The following SIMC1 variants were observed in gnomAD, a reference collection of about 807,000 sequenced individuals.
SIMC1 encodes the protein SUMO-interacting motif-containing protein 1.
Under a neutral mutation model 82.3 loss-of-function variants are expected in SIMC1, and 55 were observed. That is an observed-to-expected ratio of 0.67 (90% CI 0.54 to 0.84). The LOEUF is 0.84. Ranked by LOEUF, SIMC1 falls within the 40% of genes least tolerant of loss-of-function variation. The probability of loss-of-function intolerance (pLI) is 0.00; values close to 1 mark genes in which losing one functional copy is unlikely to be tolerated. For synonymous variants in SIMC1, 353 were observed against 426.3 expected (o/e 0.83, Z 2.12); for missense variants, 915 against 1,107.2 (o/e 0.83, Z 2.46).
At position 176,290,363 on chromosome 5, in the gene SIMC1, A is replaced by G; in HGVS notation, c.839A>G (p.Gln280Arg). ...CGGCAGAATATCCCAGGCCCACCTCAAGACTCTCTGGGCCTACCTCAAGAT... is the reference window on the plus strand; with the variant it reads ...CGGCAGAATATCCCAGGCCCACCTCGAGACTCTCTGGGCCTACCTCAAGAT... ...CPRQNIPGPP[Q>R]DSLGLPQDVP... The change falls in exon 2 of 10, where the codon CAA becomes CGA. Residue 280 changes from glutamine (Q) to arginine (R), a missense_variant. Around this residue, in one of 2 missense-constraint regions of SIMC1, gnomAD observed 902 missense variants for 1,040.3 expected, o/e 0.87. Transcript: ENST00000429602. 4.3e-6 allele frequency: 7 copies of G among 1,613,934 alleles called. No individual in the cohort carries two copies. Among genetic ancestry groups the G allele is most frequent in the Non-Finnish European group, 5.9e-6 (7 of 1,179,862 alleles).
chr5:176,299,211 T>C (rs1281684404), intron 4 of SIMC1, among the ~76,000 whole-genome samples: 1 of 152,142 alleles, frequency 6.6e-6, no homozygotes. Context: ...CTAGACAACA[T>C]AGAAAGACTC....
intron 1 of SIMC1, among the ~76,000 whole-genome samples, chr5:176,250,921 C>T (rs1302128055): frequency 6.6e-6 from 1 of 152,140 alleles, no homozygotes. Flanking sequence ...TCCAATTTGC[C>T]AGTCTGAGTC....
chr5:176,246,407 GGT>G (rs57262987), intron 1 of SIMC1, among the ~76,000 whole-genome samples: 12,440 of 136,682 alleles, frequency 0.091, 461 homozygotes, highest in African/African-American at 0.1. Context: ...ATAGTTCAGG[GGT>G]GTGTGTGTGT....
chr5:176,324,872 AT>A, intron 7 of SIMC1, 115 bp downstream of exon 7: 1 of 1,229,132 alleles, frequency 8.1e-7, no homozygotes, highest in Non-Finnish European at 1.1e-6. Flanking sequence ...CAGGAACAGA[AT>A]TTTACAAGAG....
intron 4 of SIMC1, among the ~76,000 whole-genome samples, chr5:176,311,865 C>T (rs1227098610): frequency 2.0e-5 from 3 of 151,986 alleles, no homozygotes; most frequent in Non-Finnish European, 2.9e-5. Flanking sequence ...TTAGCCTTGA[C>T]GATGTAAAAC....
chr5:176,259,894 G>T (rs1561675293), intron 1 of SIMC1, among the ~76,000 whole-genome samples: 1 of 151,654 alleles, frequency 6.6e-6, no homozygotes, highest in Non-Finnish European at 1.5e-5. Context: ...AATTTTCCTT[G>T]TGTGTGCACA....
intron 1 of SIMC1, among the ~76,000 whole-genome samples, chr5:176,247,315 T>C (rs1456698916): frequency 6.6e-6 from 1 of 152,186 alleles, no homozygotes; most frequent in Non-Finnish European, 1.5e-5. Flanking sequence ...TGGTGTGAGA[T>C]AGTGTATCAT....
At chr5:176,309,037 A>G in intron 4 of SIMC1, 9 of 771,370 alleles carry the variant, frequency 1.2e-5, no homozygotes, top group Non-Finnish European at 7.1e-6. Context: ...ATGGAGAAAG[A>G]TGAAAATATC....
chr5:176,306,305 C>T (rs1409549703), intron 4 of SIMC1, among the ~76,000 whole-genome samples: 8 of 136,062 alleles, frequency 5.9e-5, no homozygotes, highest in Non-Finnish European at 8.2e-5. Context: ...GTCAGCCCCC[C>T]GTCCGGCCAG....
chr5:176,246,407 GGTGTGTGTGTGTGTGTGTGTGTGT>G lies in SIMC1; in HGVS notation c.129+7789_129+7812del, dbSNP rs57262987. Among the ~76,000 whole-genome samples the G allele has an allele frequency of 8.6e-3, 1,180 of 137,056 alleles. 3 individuals are homozygous for G. The highest frequency in any genetic ancestry group is 0.014 in the Non-Finnish European group (874 of 63,130). 89.9% of individuals were successfully genotyped at this position (137,056 alleles called of 152,430 possible). A position where few individuals can be genotyped will look rare whatever the true frequency, so the allele number is the denominator to read the frequency against. ...CAATCAGCTTGTATAATAGTTCAGG[GGTGTGTGTGTGTGTGTGTGTGTGT>G]GTGTGTGTGTGTGTGTGTTGTTTGT... On this transcript the variant is annotated intron_variant, in intron 1 of 9. Coordinates refer to ENST00000429602, the MANE Select transcript of SIMC1 (RefSeq NM_001308195.2).
At chr5:176,277,341 GA>G (rs1762755445) in intron 1 of SIMC1, among the ~76,000 whole-genome samples, 2 of 151,844 alleles carry the variant, frequency 1.3e-5, no homozygotes, top group South Asian at 4.1e-4. Flanking sequence ...GTAGATTCTG[GA>G]TATTAGCCCT....
In SIMC1 at chr5:176,295,202, G is replaced by A; in HGVS notation, c.1604G>A (p.Ser535Asn). The A allele has an allele frequency of 1.2e-6, 2 of 1,613,516 alleles. No homozygotes were observed. Among genetic ancestry groups the A allele is most frequent in the Non-Finnish European group, 1.7e-6 (2 of 1,179,676 alleles). ...CACATCATCCAGAAAATCTTGCTCA[G>A]TGGCTCTGAGACTGTGGATGTCCTA... ...VAHIIQKILL[S>N]GSETVDVLKE... The change falls in exon 3 of 10, where the codon AGT becomes AAT. Residue 535 changes from serine (S) to asparagine (N), a missense_variant. Around this residue, in one of 2 missense-constraint regions of SIMC1, gnomAD observed 902 missense variants for 1,040.3 expected, o/e 0.87. Transcript: ENST00000429602.
chr5:176,314,316 C>G (rs1158844940), intron 5 of SIMC1, among the ~76,000 whole-genome samples: 2 of 151,934 alleles, frequency 1.3e-5, no homozygotes, highest in Non-Finnish European at 2.9e-5. Flanking sequence ...AATCATAAAC[C>G]CCTCCTGATA....
At position 176,238,478 on chromosome 5, in the gene SIMC1, C is replaced by G. The variant is rs1220503073; in HGVS notation, c.-31C>G. On this transcript the variant is annotated 5_prime_UTR_variant, in exon 1 of 10. Coordinates refer to ENST00000429602, the MANE Select transcript of SIMC1 (RefSeq NM_001308195.2). Reference sequence around the variant, plus strand: ...ACCGAAGTCGTCGCCGCCGCCGCCACTGCCTGGGTCTTCGGTCGGGGCCCG... The same window carrying G: ...ACCGAAGTCGTCGCCGCCGCCGCCAGTGCCTGGGTCTTCGGTCGGGGCCCG... The G allele has an allele frequency of 8.4e-7, 1 of 1,190,124 alleles. No homozygotes were observed. Among genetic ancestry groups the G allele is most frequent in the Non-Finnish European group, 1.1e-6 (1 of 952,300 alleles). The allele number at this position is 1,190,124 out of a possible 1,614,324, so 73.7% of individuals were successfully genotyped here.
At chr5:176,287,388 C>T (rs1180424764) in intron 1 of SIMC1, among the ~76,000 whole-genome samples, 3 of 152,128 alleles carry the variant, frequency 2.0e-5, no homozygotes, top group Non-Finnish European at 4.4e-5. Context: ...GACAGAAAAC[C>T]AAACACTGCA....
intron 5 of SIMC1, among the ~76,000 whole-genome samples, chr5:176,321,837 AC>A (rs1212847933): frequency 1.3e-5 from 2 of 149,630 alleles, no homozygotes; most frequent in African/African-American, 4.9e-5. Flanking sequence ...CCCTGAAGTT[AC>A]CTTTGAATAC....
At chr5:176,343,156 T>TATTGA (rs1159383329) in intron 9 of SIMC1, among the ~76,000 whole-genome samples, 2 of 152,186 alleles carry the variant, frequency 1.3e-5, no homozygotes, top group African/African-American at 4.8e-5. Flanking sequence ...AGAAAAAACA[T>TATTGA]ATTGAATGTA....
At chr5:176,273,406 AC>A (rs1762534607) in intron 1 of SIMC1, among the ~76,000 whole-genome samples, 1 of 152,236 alleles carries the variant, frequency 6.6e-6, no homozygotes, top group Non-Finnish European at 1.5e-5. Context: ...AACAGAAAGG[AC>A]ATTCACACCA....
chr5:176,299,561 G>A (rs1255002379), intron 4 of SIMC1, among the ~76,000 whole-genome samples: 1 of 152,124 alleles, frequency 6.6e-6, no homozygotes, highest in South Asian at 2.1e-4. Context: ...TATAATAAAA[G>A]GGTCAATTCA....
Sources: allele counts gnomAD v4.1 joint callset (sites outside exome capture counted in the v4.1 genomes callset), GRCh38; gene constraint gnomAD v4.1.1; regional missense constraint gnomAD v4.1.1; transcripts MANE v1.5; gene names NCBI Gene and HGNC (gene_info 2026-07-23, HGNC 2026-07-21).